The following HDX variants were observed in gnomAD, a reference collection of about 807,000 sequenced individuals.
The protein encoded by HDX is highly divergent homeobox, also known as chromosome X open reading frame 43.
A neutral mutation model predicts 45.2 loss-of-function variants in HDX; 19 were observed. That is an observed-to-expected ratio of 0.42 (90% CI 0.29 to 0.62). The LOEUF (loss-of-function observed/expected upper bound fraction) is 0.62. Ranked by LOEUF, HDX falls within the 20% of genes least tolerant of loss-of-function variation. HDX has a pLI of 0.20. For synonymous variants in HDX, 188 were observed against 172.8 expected, an observed-to-expected ratio of 1.09 and a Z score of -0.69; for missense variants, 532 against 493.9, an observed-to-expected ratio of 1.08 and a Z score of -0.73.
intron 5 of HDX, among the ~76,000 whole-genome samples, chrX:84,432,618 C>T (rs947235186): frequency 6.3e-5 from 7 of 110,825 alleles, no homozygotes; most frequent in African/African-American, 1.6e-4. Context: ...TGATTTGGCT[C>T]TCAGCTTGGA....
intron 5 of HDX, among the ~76,000 whole-genome samples, chrX:84,420,058 G>C (rs1356429598): frequency 1.8e-5 from 2 of 111,527 alleles, no homozygotes; most frequent in Non-Finnish European, 3.8e-5. Context: ...AGAGAGTGAA[G>C]ACTACAATAA....
At chrX:84,476,344 C>T (rs1200756254) in intron 2 of HDX, among the ~76,000 whole-genome samples, 1 of 109,265 alleles carries the variant, frequency 9.2e-6, no homozygotes, top group Non-Finnish European at 1.9e-5. Flanking sequence ...AAAAAAATAC[C>T]ACATCTTTTC....
chrX:84,472,259 T>C (rs959917940), intron 3 of HDX, among the ~76,000 whole-genome samples: 2 of 111,353 alleles, frequency 1.8e-5, no homozygotes, highest in African/African-American at 6.5e-5. Flanking sequence ...TTATATATAG[T>C]TTCTTATATA....
At chrX:84,389,635 C>T (rs2038396919) in intron 5 of HDX, among the ~76,000 whole-genome samples, 1 of 111,537 alleles carries the variant, frequency 9.0e-6, no homozygotes, top group Admixed American at 9.5e-5. Flanking sequence ...GCAGAGGCTG[C>T]GCTGTGCAGA....
chrX:84,404,956 G>A (rs1309229621), intron 5 of HDX, among the ~76,000 whole-genome samples: 2 of 111,047 alleles, frequency 1.8e-5, no homozygotes, highest in African/African-American at 6.5e-5. Flanking sequence ...ATCTAGATTT[G>A]CCTATACATT....
At position 84,440,523 on chromosome X, in the gene HDX, A is replaced by T; in HGVS notation, c.1305+9T>A. On this transcript the variant is annotated intron_variant, in intron 5 of 10. Coordinates refer to ENST00000373177, the MANE Select transcript of HDX (RefSeq NM_001177479.2). ...ACCCATTTGCTGCTTTAAATGAAAG[A>T]TTACTTACTGCTCTTTTTCTAGAAC... 2 of 1,148,683 alleles carry T rather than the reference A, an allele frequency of 1.7e-6. No homozygotes were observed. Among genetic ancestry groups the T allele is most frequent in the African/African-American group, 1.8e-5 (1 of 56,289 alleles). The allele number at this position is 1,148,683 out of a possible 1,213,427, so 94.7% of individuals were successfully genotyped here.
chrX:84,372,853 T>C (rs1339093654), intron 5 of HDX, among the ~76,000 whole-genome samples: 1 of 111,200 alleles, frequency 9.0e-6, no homozygotes, highest in Non-Finnish European at 1.9e-5. Flanking sequence ...ATTAATAAAA[T>C]GTTTATATAG....
Position 84,409,298 on chromosome X carries a change from T to A in HDX, c.1305+31234A>T, listed in dbSNP as rs1456732172. 2.7e-5 allele frequency among the ~76,000 whole-genome samples: 3 copies of A among 111,231 alleles called. No homozygotes were observed. The South Asian group carries it at 1.1e-3, about 42-fold the overall frequency. The stretch of plus-strand genomic sequence containing the variant: ...TGGGACTGTAAACTAGTTCAACCAT[T>A]GTGGAAGTCAGTGTGGCGATTCCTC... On this transcript the variant is annotated intron_variant, in intron 5 of 10. Transcript: ENST00000373177.
At chrX:84,486,350 A>G (rs1285491510) in intron 2 of HDX, among the ~76,000 whole-genome samples, 1 of 111,365 alleles carries the variant, frequency 9.0e-6, no homozygotes, top group Non-Finnish European at 1.9e-5. Context: ...CTGATAGACA[A>G]TGTTATCATT....
chrX:84,436,832 ATT>A lies in HDX; in HGVS notation c.1305+3698_1305+3699del, dbSNP rs35902783. Among the ~76,000 whole-genome samples the A allele has an allele frequency of 4.1e-3, 417 of 101,668 alleles. 1 individual carries two copies. The highest frequency in any genetic ancestry group is 6.2e-3 in the Non-Finnish European group (313 of 50,089). 88.3% of individuals were successfully genotyped at this position (101,668 alleles called of 115,157 possible). ...AAATGTTTTGTAAATGTTTGCTGGG[ATT>A]TTTTTTTTTTTGTCCATGGTGCAGT... On this transcript the variant is annotated intron_variant, in intron 5 of 10. Transcript: ENST00000373177.
intron 10 of HDX, among the ~76,000 whole-genome samples, chrX:84,325,494 T>C (rs1367093558): frequency 8.9e-6 from 1 of 111,762 alleles, no homozygotes; most frequent in Non-Finnish European, 1.9e-5. Context: ...CTATAGTTTT[T>C]AGCAGGCTTA....
intron 5 of HDX, among the ~76,000 whole-genome samples, chrX:84,419,072 G>A (rs981747708): frequency 4.5e-5 from 5 of 111,872 alleles, no homozygotes; most frequent in African/African-American, 1.6e-4. Context: ...AAAGAACACA[G>A]CCCTGGAAGC....
chrX:84,361,687 A>G, intron 5 of HDX, 75 bp from the exon 6 acceptor site: 1 of 818,342 alleles, frequency 1.2e-6, no homozygotes, highest in Non-Finnish European at 1.7e-6. Context: ...TATAAAGAGA[A>G]GCATCAGGGT....
chrX:84,476,673 C>T (rs1195824947), intron 2 of HDX, among the ~76,000 whole-genome samples: 1 of 110,958 alleles, frequency 9.0e-6, no homozygotes, highest in Non-Finnish European at 1.9e-5. Context: ...TTCCAGCATA[C>T]TGTGTATGGA....
chrX:84,481,878 C>CT (rs1413188441), intron 2 of HDX, among the ~76,000 whole-genome samples: 2 of 111,169 alleles, frequency 1.8e-5, no homozygotes, highest in Non-Finnish European at 3.8e-5. Flanking sequence ...TCCCTCCCCA[C>CT]TTTTGGAGTA....
intron 2 of HDX, among the ~76,000 whole-genome samples, chrX:84,482,572 G>T (rs1415438853): frequency 9.0e-6 from 1 of 111,373 alleles, no homozygotes; most frequent in African/African-American, 3.3e-5. Flanking sequence ...GGAGAAACTA[G>T]CCCCATGAGT....
chrX:84,446,750 A>C (rs2039882575), intron 4 of HDX, among the ~76,000 whole-genome samples: 1 of 112,122 alleles, frequency 8.9e-6, no homozygotes, highest in Non-Finnish European at 1.9e-5. Context: ...CAACCAATTG[A>C]GTGTACAATC....
At chrX:84,485,152 T>C (rs759973847) in intron 2 of HDX, among the ~76,000 whole-genome samples, 7 of 111,965 alleles carry the variant, frequency 6.3e-5, no homozygotes, top group Admixed American at 9.5e-5. Context: ...AAGTGTGTTT[T>C]ATGTCCCAGA....
intron 6 of HDX, among the ~76,000 whole-genome samples, chrX:84,354,268 A>G: frequency 8.9e-6 from 1 of 112,055 alleles, no homozygotes; most frequent in Non-Finnish European, 1.9e-5. Flanking sequence ...ATGGCTATTA[A>G]AAATGAGTAC....
Sources: allele counts gnomAD v4.1 joint callset (sites outside exome capture counted in the v4.1 genomes callset), GRCh38; gene constraint gnomAD v4.1.1; transcripts MANE v1.5; gene names NCBI Gene and HGNC (gene_info 2026-07-23, HGNC 2026-07-21).